PTPRT: variants seen among roughly 807,000 people sequenced by gnomAD.
PTPRT encodes receptor-type tyrosine-protein phosphatase T.
A neutral mutation model predicts 176.8 loss-of-function variants in PTPRT; 56 were observed. The ratio of observed to expected loss-of-function variants is 0.32; its 90% confidence interval spans 0.26 to 0.40. The LOEUF is 0.40. Ranked by LOEUF, PTPRT falls within the 10% of genes least tolerant of loss-of-function variation. The probability of loss-of-function intolerance (pLI) is 1.00; values close to 1 mark genes in which losing one functional copy is unlikely to be tolerated. For missense variants in PTPRT, 1,540 were observed against 1,908.2 expected, an observed-to-expected ratio of 0.81 and a Z score of 3.60; for synonymous variants, 783 against 739.0, an observed-to-expected ratio of 1.06 and a Z score of -0.96.
chr20:42,175,321 A>C (rs1990246598), intron 16 of PTPRT, among the ~76,000 whole-genome samples: 1 of 152,054 alleles, frequency 6.6e-6, no homozygotes, highest in African/African-American at 2.4e-5. Context: ...CTGCAGCCAC[A>C]CTGTCTCCTC....
chr20:43,176,333 C>T (rs552332507), intron 1 of PTPRT, among the ~76,000 whole-genome samples: 1 of 152,232 alleles, frequency 6.6e-6, no homozygotes, highest in East Asian at 1.9e-4. Flanking sequence ...GGCAACAGAT[C>T]AAGACCCTGA....
the PTPRT span, among the ~76,000 whole-genome samples, chr20:42,055,452 G>A: frequency 1.5e-4 from 23 of 152,350 alleles, no homozygotes; most frequent in African/African-American, 5.5e-4. Flanking sequence ...GGCAAGAATG[G>A]AGAGAGGGGG....
intron 1 of PTPRT, among the ~76,000 whole-genome samples, chr20:42,933,974 T>A (rs1343902084): frequency 6.6e-6 from 1 of 152,246 alleles, no homozygotes; most frequent in African/African-American, 2.4e-5. Context: ...TATGATTCTA[T>A]CTGAAAATAC....
rs189054201 is a variant in PTPRT, at chr20:43,165,220, G to A, written c.88+24426C>T. The stretch of plus-strand genomic sequence containing the variant: ...GTCACCCAGGCTGGAGTGCAATGGC[G>A]CAATGTCGGCTCACTGCAACCTCCA... On this transcript the variant is annotated intron_variant, in intron 1 of 30. Transcript: ENST00000373187. 6.0e-4 allele frequency among the ~76,000 whole-genome samples: 90 copies of A among 150,718 alleles called. 1 individual carries two copies. Among genetic ancestry groups the A allele is most frequent in the Non-Finnish European group, 1.1e-3 (73 of 67,842 alleles).
chr20:42,324,294 G>A (rs1441231178), intron 11 of PTPRT, among the ~76,000 whole-genome samples: 1 of 152,096 alleles, frequency 6.6e-6, no homozygotes, highest in Non-Finnish European at 1.5e-5. Context: ...GATTCTATTC[G>A]TATTTATTAA....
chr20:43,170,926 C>T (rs951305007), intron 1 of PTPRT, among the ~76,000 whole-genome samples: 1 of 152,184 alleles, frequency 6.6e-6, no homozygotes, highest in Non-Finnish European at 1.5e-5. Flanking sequence ...TTCGCAGCTT[C>T]GAAACTGAGA....
At chr20:42,437,937 AG>A (rs1458981952) in intron 9 of PTPRT, among the ~76,000 whole-genome samples, 1 of 152,214 alleles carries the variant, frequency 6.6e-6, no homozygotes. Flanking sequence ...GAATTCCAAC[AG>A]GGGTAACACG....
intron 1 of PTPRT, among the ~76,000 whole-genome samples, chr20:43,153,595 G>A (rs779280219): frequency 2.6e-5 from 4 of 151,820 alleles, no homozygotes; most frequent in Admixed American, 6.6e-5. Flanking sequence ...GAGACAAAGA[G>A]GACTCTCCGG....
At chr20:42,918,757 AG>A (rs1233557880) in intron 1 of PTPRT, among the ~76,000 whole-genome samples, 1 of 152,220 alleles carries the variant, frequency 6.6e-6, no homozygotes, top group Non-Finnish European at 1.5e-5. Flanking sequence ...TGCTGCAATC[AG>A]GGGTCAGACA....
At chr20:42,831,160 G>A (rs751126092) in intron 2 of PTPRT, among the ~76,000 whole-genome samples, 2 of 152,022 alleles carry the variant, frequency 1.3e-5, no homozygotes, top group African/African-American at 2.4e-5. Flanking sequence ...AAAACAGCAC[G>A]GTATAGGTAC....
intron 1 of PTPRT, among the ~76,000 whole-genome samples, chr20:43,025,567 A>G (rs1985876963): frequency 6.6e-6 from 1 of 152,190 alleles, no homozygotes; most frequent in Non-Finnish European, 1.5e-5. Flanking sequence ...AGGGTTCTGT[A>G]GCCTCTTGCC....
intron 1 of PTPRT, among the ~76,000 whole-genome samples, chr20:43,051,497 A>G (rs1987039121): frequency 6.6e-6 from 1 of 152,144 alleles, no homozygotes. Context: ...TAAATCATTC[A>G]GTTATAAGAG....
At position 42,273,076 on chromosome 20, in the gene PTPRT, T is replaced by C. The variant is rs370225556; in HGVS notation, c.2176+9413A>G. 2.6e-5 allele frequency among the ~76,000 whole-genome samples: 4 copies of C among 152,202 alleles called. No individual in the cohort carries two copies. In the East Asian group the frequency reaches 5.8e-4, roughly 22 times the overall value. On this transcript the variant is annotated intron_variant, in intron 13 of 30. Transcript: ENST00000373187. ...GATTTTGCCTTGACGACAGCCCTTATTGGACTTATATTTATTCATTGCCTC... is the reference window on the plus strand; with the variant it reads ...GATTTTGCCTTGACGACAGCCCTTACTGGACTTATATTTATTCATTGCCTC...
At chr20:42,138,695 G>T (rs1012542883) in intron 18 of PTPRT, among the ~76,000 whole-genome samples, 6 of 152,104 alleles carry the variant, frequency 3.9e-5, no homozygotes, top group African/African-American at 1.4e-4. Flanking sequence ...TGGAAGCAAA[G>T]GTCTCTTTGT....
chr20:42,280,574 C>T (rs535326665), intron 13 of PTPRT, among the ~76,000 whole-genome samples: 15 of 152,300 alleles, frequency 9.8e-5, no homozygotes, highest in East Asian at 3.9e-4. Flanking sequence ...CTTTCACACA[C>T]GCTTACTTTA....
intron 13 of PTPRT, among the ~76,000 whole-genome samples, chr20:42,279,472 C>A (rs1311938779): frequency 6.6e-6 from 1 of 152,160 alleles, no homozygotes; most frequent in East Asian, 1.9e-4. Context: ...TCAGAAGGAA[C>A]AAGGTCTGCA....
chr20:42,119,429 T>C (rs1007851507), intron 20 of PTPRT, among the ~76,000 whole-genome samples: 5 of 152,228 alleles, frequency 3.3e-5, no homozygotes, highest in African/African-American at 1.2e-4. Flanking sequence ...ATTGTCTATA[T>C]ATATAATTAT....
At chr20:42,716,817 A>C (rs1478326831) in intron 6 of PTPRT, among the ~76,000 whole-genome samples, 1 of 152,206 alleles carries the variant, frequency 6.6e-6, no homozygotes, top group Non-Finnish European at 1.5e-5. Flanking sequence ...CTGGATTAAG[A>C]AAATGTAGCA....
intron 1 of PTPRT, among the ~76,000 whole-genome samples, chr20:43,129,252 G>T (rs961531368): frequency 6.6e-6 from 1 of 152,138 alleles, no homozygotes; most frequent in Non-Finnish European, 1.5e-5. Flanking sequence ...GAGGAAGGAG[G>T]CAGAGTCCTG....
Sources: gnomAD v4.1 joint callset for allele counts (sites outside exome capture counted in the v4.1 genomes callset) on GRCh38, gnomAD v4.1.1 for gene constraint, MANE v1.5 for transcripts, NCBI Gene and HGNC (gene_info 2026-07-23, HGNC 2026-07-21) for gene names.